Variants in DRG1 observed in about 807,000 individuals in gnomAD.
DRG1 encodes the protein developmentally regulated GTP binding protein 1, also known as developmentally-regulated GTP-binding protein 1.
A neutral mutation model predicts 38.8 loss-of-function variants in DRG1; 19 were observed. The ratio of observed to expected loss-of-function variants is 0.49; its 90% confidence interval spans 0.34 to 0.72. DRG1 has a LOEUF of 0.72. DRG1 is among the 30% of genes least tolerant of loss of function. DRG1 has a pLI of 0.01. For synonymous variants in DRG1, 167 were observed against 157.5 expected (o/e 1.06, Z -0.45); for missense variants, 299 against 444.8 (o/e 0.67, Z 2.95).
Position 31,406,227 on chromosome 22 carries a change from C to G in DRG1, c.342+3023C>G, listed in dbSNP as rs372922767. Among the ~76,000 whole-genome samples, 7 of 152,118 alleles carry G rather than the reference C, an allele frequency of 4.6e-5. No individual in the cohort carries two copies. The South Asian group carries it at 1.5e-3, about 32-fold the overall frequency. On this transcript the variant is annotated intron_variant, in intron 3 of 8. Transcript: ENST00000331457. ...ATGTTGGCCAGGCTGGTCTTGAACT[C>G]CTGACCTCATGATCTGCCTGCCTCG... is the stretch of plus-strand genomic sequence containing the variant.
At position 31,399,714 on chromosome 22, in the gene DRG1, A is replaced by G. The variant is rs929027611; in HGVS notation, c.31A>G (p.Ile11Val). The G allele has an allele frequency of 3.1e-6, 5 of 1,613,936 alleles. No individual in the cohort carries two copies. In the Admixed American group the frequency reaches 8.3e-5, roughly 27 times the overall value. Residue 11 changes from isoleucine to valine, a missense_variant, in exon 1 of 9, where the codon ATA (isoleucine) becomes GTA (valine). Transcript: ENST00000331457. MSSTLAKIAEIEAEMARTQKN... is the reference protein window; with the variant it reads MSSTLAKIAEVEAEMARTQKN... ...CAGCACCTTAGCTAAGATCGCGGAG[A>G]TAGAAGCAGAGGTAATGGACGCAGC...
intron 4 of DRG1, among the ~76,000 whole-genome samples, chr22:31,414,558 T>C (rs2050034126): frequency 6.6e-6 from 1 of 152,210 alleles, no homozygotes. Context: ...TCAGAACTTT[T>C]AGGTCAAATC....
In DRG1 at chr22:31,433,995, C is replaced by G. The variant is rs115098936; in HGVS notation, c.*24C>G. ...GAAACCTTTCCCTTTTCCCATCTGC[C>G]GGACGAACCACAACAGCGTTCCCCA... On this transcript the variant is annotated 3_prime_UTR_variant, in exon 9 of 9. Transcript: ENST00000331457. 2 of 1,604,900 alleles carry G rather than the reference C, an allele frequency of 1.2e-6. No homozygotes were observed. The highest frequency in any genetic ancestry group is 2.2e-5 in the East Asian group (1 of 44,810).
At chr22:31,415,434 G>T (rs901203286) in intron 4 of DRG1, among the ~76,000 whole-genome samples, 5 of 152,220 alleles carry the variant, frequency 3.3e-5, no homozygotes, top group Admixed American at 2.0e-4. Context: ...TTTGTCCAAG[G>T]TGGTATTTGT....
At chr22:31,399,809 GC>G in intron 1 of DRG1, 84 bp downstream of exon 1, 1 of 1,600,638 alleles carries the variant, frequency 6.2e-7, no homozygotes, top group Non-Finnish European at 8.6e-7. Context: ...CCTTTGAGCC[GC>G]GTCAGGACCG....
At chr22:31,425,440 CTTTT>C (rs34249543) in intron 6 of DRG1, among the ~76,000 whole-genome samples, 2 of 137,194 alleles carry the variant, frequency 1.5e-5, no homozygotes, top group African/African-American at 2.6e-5. Context: ...TGATACATTA[CTTTT>C]TTTTTTTTTT....
intron 8 of DRG1, among the ~76,000 whole-genome samples, chr22:31,431,020 C>G (rs1274951548): frequency 7.3e-4 from 1 of 1,368 alleles, no homozygotes; most frequent in African/African-American, 2.7e-3. Context: ...ACCCGGCCTT[C>G]CCCCCCCCCC....
chr22:31,411,328 A>G (rs770668353), intron 4 of DRG1, among the ~76,000 whole-genome samples: 34 of 152,150 alleles, frequency 2.2e-4, no homozygotes, highest in Non-Finnish European at 4.1e-4. Flanking sequence ...GCCTAGTACA[A>G]TTAAGGAGCT....
intron 8 of DRG1, among the ~76,000 whole-genome samples, chr22:31,429,474 C>G (rs965157659): frequency 5.3e-5 from 8 of 152,028 alleles, no homozygotes; most frequent in African/African-American, 9.7e-5. Flanking sequence ...TATTGGACTT[C>G]TGTGTGTTAG....
intron 4 of DRG1, among the ~76,000 whole-genome samples, chr22:31,416,600 C>T (rs1023294586): frequency 3.9e-5 from 6 of 151,962 alleles, no homozygotes; most frequent in Admixed American, 3.9e-4. Context: ...ACTAAAAATA[C>T]AAAAATTAGC....
In DRG1 at chr22:31,419,543, C is replaced by CTA. The variant is rs898863906; in HGVS notation, c.413-711_413-710dup. Among the ~76,000 whole-genome samples the CTA allele has an allele frequency of 2.0e-5, 3 of 151,756 alleles. No homozygotes were observed. The South Asian group carries it at 6.2e-4, about 32-fold the overall frequency. ...TATATGAAATTCTAAAACGTGCAAA[C>CTA]TATGGTGGCAGAAAGCAGATCAGTG... On this transcript the variant is annotated intron_variant, in intron 4 of 8. Coordinates refer to ENST00000331457, the MANE Select transcript of DRG1 (RefSeq NM_004147.4).
At chr22:31,410,740 G>T (rs1379202286) in intron 3 of DRG1, among the ~76,000 whole-genome samples, 1 of 151,878 alleles carries the variant, frequency 6.6e-6, no homozygotes, top group African/African-American at 2.4e-5. Context: ...CCTTGAACCC[G>T]AGAGGCAGAG....
intron 7 of DRG1, 120 bp from the exon 8 acceptor site, chr22:31,426,940 C>T (rs994627236): frequency 6.6e-7 from 1 of 1,512,302 alleles, no homozygotes; most frequent in Middle Eastern, 1.8e-4. Context: ...ATTGAGGACA[C>T]TTTTTCCCTT....
chr22:31,424,275 C>G (rs1325772902), intron 6 of DRG1, among the ~76,000 whole-genome samples: 1 of 151,844 alleles, frequency 6.6e-6, no homozygotes, highest in East Asian at 1.9e-4. Flanking sequence ...CCTCAGCCTC[C>G]CAAGTAGCTG....
chr22:31,415,011 G>T (rs1272126851), intron 4 of DRG1, among the ~76,000 whole-genome samples: 1 of 152,156 alleles, frequency 6.6e-6, no homozygotes, highest in East Asian at 1.9e-4. Flanking sequence ...CCCCGGGCTC[G>T]AGAGTCTCTC....
intron 4 of DRG1, among the ~76,000 whole-genome samples, chr22:31,411,622 C>T (rs538945271): frequency 7.3e-5 from 11 of 151,006 alleles, no homozygotes; most frequent in East Asian, 3.9e-4. Context: ...CTCTGCCTCC[C>T]GGGTTCAAGG....
chr22:31,427,574 AATT>A (rs1555899331), intron 8 of DRG1, among the ~76,000 whole-genome samples: 1 of 152,118 alleles, frequency 6.6e-6, no homozygotes, highest in Non-Finnish European at 1.5e-5. Flanking sequence ...GCTGAAAAAA[AATT>A]ATTTTATTTT....
At chr22:31,411,173 C>T (rs2050016157) in intron 4 of DRG1, 92 bp downstream of exon 4, 1 of 1,351,894 alleles carries the variant, frequency 7.4e-7, no homozygotes, top group African/African-American at 1.4e-5. Context: ...GAGATTATAC[C>T]ACAGTGAAGG....
rs772096001 is a variant in DRG1, at chr22:31,399,661, G to A, written c.-23G>A. ...CGGGTGTGTGAAGGGAGACAGTGTG[G>A]AGGCCACAGGGTACTCGCCACGATG... On this transcript the variant is annotated 5_prime_UTR_variant, in exon 1 of 9. Transcript: ENST00000331457. 1 of 1,614,056 alleles carries A rather than the reference G, an allele frequency of 6.2e-7. No homozygotes were observed. Among genetic ancestry groups the A allele is most frequent in the Admixed American group, 1.7e-5 (1 of 60,016 alleles).
Sources: allele counts gnomAD v4.1 joint callset (sites outside exome capture counted in the v4.1 genomes callset), GRCh38; gene constraint gnomAD v4.1.1; transcripts MANE v1.5; gene names NCBI Gene and HGNC (gene_info 2026-07-23, HGNC 2026-07-21).